NCOA2: variants seen among roughly 807,000 people sequenced by gnomAD.
The protein encoded by NCOA2 is nuclear receptor coactivator 2, also known as class E basic helix-loop-helix protein 75.
In NCOA2, 21 loss-of-function variants were observed where a neutral mutation model predicts 145.1. The observed-to-expected ratio is 0.14, with a 90% confidence interval of 0.10 to 0.21. The LOEUF is 0.21. Among genes scored for constraint, NCOA2 ranks in the 10% least tolerant of loss-of-function variants. The probability of loss-of-function intolerance (pLI) is 1.00; values close to 1 mark genes in which losing one functional copy is unlikely to be tolerated. For synonymous variants in NCOA2, 619 were observed against 637.5 expected (o/e 0.97, Z 0.44); for missense variants, 1,472 against 1,837.6 (o/e 0.80, Z 3.64).
chr8:70,201,446 T>C (rs1271385537), intron 4 of NCOA2, among the ~76,000 whole-genome samples: 1 of 152,184 alleles, frequency 6.6e-6, no homozygotes, highest in African/African-American at 2.4e-5. Flanking sequence ...AGAGGCTCCA[T>C]TTCTTACCTA....
At chr8:70,174,269 A>G (rs1352543945) in intron 5 of NCOA2, among the ~76,000 whole-genome samples, 2 of 152,206 alleles carry the variant, frequency 1.3e-5, no homozygotes, top group Non-Finnish European at 1.5e-5. Flanking sequence ...GCTTCTCTTA[A>G]AAGTTCCTTT....
intron 19 of NCOA2, among the ~76,000 whole-genome samples, chr8:70,126,187 GAAC>G (rs1808393378): frequency 6.6e-6 from 1 of 152,092 alleles, no homozygotes; most frequent in Non-Finnish European, 1.5e-5. Context: ...ACCATTAACT[GAAC>G]ATGACATGCA....
At chr8:70,424,273 T>C in the NCOA2 span, 1 of 386,390 alleles carries the variant, frequency 2.6e-6, no homozygotes, top group South Asian at 2.1e-5. Flanking sequence ...GAGCTTGTTA[T>C]CCAGATCATT....
chr8:70,205,837 C>G (rs1818380933), intron 4 of NCOA2, among the ~76,000 whole-genome samples: 1 of 152,152 alleles, frequency 6.6e-6, no homozygotes, highest in South Asian at 2.1e-4. Context: ...GAAGTCGGGG[C>G]AAATGATCAA....
intron 1 of NCOA2, among the ~76,000 whole-genome samples, chr8:70,312,635 A>G (rs1805227076): frequency 6.6e-6 from 1 of 152,140 alleles, no homozygotes; most frequent in Admixed American, 6.5e-5. Context: ...TAAAAAACAA[A>G]ATTATTATAA....
At chr8:70,385,866 A>G (rs1256454044) in intron 1 of NCOA2, among the ~76,000 whole-genome samples, 3 of 152,190 alleles carry the variant, frequency 2.0e-5, no homozygotes, top group Non-Finnish European at 4.4e-5. Context: ...GAAATATTTT[A>G]CTTTCATTTT....
chr8:70,449,415 A>G, the NCOA2 span, among the ~76,000 whole-genome samples: 1 of 152,216 alleles, frequency 6.6e-6, no homozygotes, highest in Non-Finnish European at 1.5e-5. Context: ...TATTTACAAA[A>G]GGGATTAATT....
At position 70,131,980 on chromosome 8, in the gene NCOA2, C is replaced by G; in HGVS notation, c.3181G>C (p.Asp1061His). ...QNRQPFGSSP[D>H]DLLCPHPAAE... ...GCAGGATGTGGACATAGCAAGTCATCTGGAGAACTGCCAAATGGCTGCCTG... is the reference window on the plus strand; with the variant it reads ...GCAGGATGTGGACATAGCAAGTCATGTGGAGAACTGCCAAATGGCTGCCTG... The change falls in exon 16 of 23, where the codon GAT becomes CAT. Residue 1061 changes from aspartate to histidine, a missense_variant. Physicochemically the swap from Asp to His is moderately conservative, Grantham distance 81 (BLOSUM62 -1). Around this residue, in one of 4 missense-constraint regions of NCOA2, gnomAD observed 953 missense variants for 1,062.1 expected, o/e 0.90. Coordinates refer to ENST00000452400, the MANE Select transcript of NCOA2 (RefSeq NM_006540.4). 6.2e-7 allele frequency: 1 copy of G among 1,612,536 alleles called. No homozygotes were observed. The highest frequency in any genetic ancestry group is 8.5e-7 in the Non-Finnish European group (1 of 1,179,354).
intron 4 of NCOA2, among the ~76,000 whole-genome samples, chr8:70,192,347 G>C (rs1200741248): frequency 6.6e-6 from 1 of 152,226 alleles, no homozygotes; most frequent in Non-Finnish European, 1.5e-5. Flanking sequence ...GAAATAAACT[G>C]ATGGCTAGAG....
chr8:70,111,701 T>C lies in NCOA2; in HGVS notation c.*1931A>G. On this transcript the variant is annotated 3_prime_UTR_variant, in exon 23 of 23. Coordinates refer to ENST00000452400, the MANE Select transcript of NCOA2 (RefSeq NM_006540.4). Reference sequence around the variant, plus strand: ...CTACTTACCATCTATCTTTGGGCTATATCTCTTCCTATATTTCCATAATGC... The same window carrying C: ...CTACTTACCATCTATCTTTGGGCTACATCTCTTCCTATATTTCCATAATGC... 4.6e-6 allele frequency: 1 copy of C among 215,608 alleles called. No individual in the cohort carries two copies. Among genetic ancestry groups the C allele is most frequent in the Non-Finnish European group, 9.3e-6 (1 of 106,980 alleles). 13.4% of individuals were successfully genotyped at this position (215,608 alleles called of 1,614,324 possible). A position where few individuals can be genotyped will look rare whatever the true frequency, so the allele number is the denominator to read the frequency against.
intron 1 of NCOA2, among the ~76,000 whole-genome samples, chr8:70,366,968 A>AT (rs2131159396): frequency 6.6e-6 from 1 of 152,300 alleles, no homozygotes; most frequent in Admixed American, 6.5e-5. Context: ...TTCATACAGA[A>AT]TAATAGTGGC....
At chr8:70,329,120 A>G (rs1036119329) in intron 1 of NCOA2, among the ~76,000 whole-genome samples, 1 of 151,748 alleles carries the variant, frequency 6.6e-6, no homozygotes, top group Non-Finnish European at 1.5e-5. Context: ...ATGCCTGGCT[A>G]CTGTTTTCTG....
chr8:70,422,451 C>T, the NCOA2 span, among the ~76,000 whole-genome samples: 1 of 151,470 alleles, frequency 6.6e-6, no homozygotes, highest in Non-Finnish European at 1.5e-5. Flanking sequence ...CACTCTGTTG[C>T]CCAGGTTGGA....
intron 1 of NCOA2, among the ~76,000 whole-genome samples, chr8:70,370,646 G>C (rs970173081): frequency 6.6e-6 from 1 of 151,218 alleles, no homozygotes; most frequent in South Asian, 2.1e-4. Context: ...ACCTATGTAA[G>C]AAAAATAATG....
intron 2 of NCOA2, among the ~76,000 whole-genome samples, chr8:70,229,028 C>T (rs148143920): frequency 0.014 from 2,120 of 152,230 alleles, 59 homozygotes; most frequent in African/African-American, 0.049. Context: ...AGAGCAGTGA[C>T]TATTATATTT....
At chr8:70,181,768 G>C (rs1019507057) in intron 4 of NCOA2, among the ~76,000 whole-genome samples, 1 of 152,150 alleles carries the variant, frequency 6.6e-6, no homozygotes, top group Non-Finnish European at 1.5e-5. Context: ...CAACAAATTT[G>C]AAGATTCTAA....
chr8:70,113,511 G>A lies in NCOA2; in HGVS notation c.*121C>T, dbSNP rs1806733088. 5.9e-6 allele frequency: 7 copies of A among 1,183,722 alleles called. No homozygotes were observed. Among genetic ancestry groups the A allele is most frequent in the South Asian group, 2.6e-5 (2 of 75,982 alleles). 73.3% of individuals were successfully genotyped at this position (1,183,722 alleles called of 1,614,324 possible). On this transcript the variant is annotated 3_prime_UTR_variant, in exon 23 of 23. Coordinates refer to ENST00000452400, the MANE Select transcript of NCOA2 (RefSeq NM_006540.4). ...CTGGGAACCAGGGCCAGGCCTGTCT[G>A]CTCTAGCAGAACCGGCTGGCAGGTC...
intron 1 of NCOA2, among the ~76,000 whole-genome samples, chr8:70,389,885 C>T (rs1329417306): frequency 6.6e-6 from 1 of 151,690 alleles, no homozygotes; most frequent in Non-Finnish European, 1.5e-5. Flanking sequence ...GGGCTGGTCT[C>T]GAACTCCTGA....
chr8:70,352,327 G>C (rs1006368545), intron 1 of NCOA2, among the ~76,000 whole-genome samples: 5 of 151,964 alleles, frequency 3.3e-5, no homozygotes, highest in Admixed American at 3.3e-4. Context: ...AGTTTATATG[G>C]GTCAAGAGAC....
Sources: gnomAD v4.1 joint callset for allele counts (sites outside exome capture counted in the v4.1 genomes callset) on GRCh38, gnomAD v4.1.1 for gene constraint, gnomAD v4.1.1 regional missense constraint, MANE v1.5 for transcripts, NCBI Gene and HGNC (gene_info 2026-07-23, HGNC 2026-07-21) for gene names.